PLXDC2: variants seen among roughly 807,000 people sequenced by gnomAD.
PLXDC2 encodes plexin domain containing 2.
A neutral mutation model predicts 68.9 loss-of-function variants in PLXDC2; 40 were observed. The observed-to-expected ratio is 0.58, with a 90% CI of 0.45 to 0.76. The LOEUF is 0.76. Ranked by LOEUF, PLXDC2 falls within the 30% of genes least tolerant of loss-of-function variation. The pLI is 0.00. For missense variants in PLXDC2, 644 were observed against 661.9 expected (o/e 0.97, Z 0.30); for synonymous variants, 243 against 234.2 (o/e 1.04, Z -0.34).
chr10:20,270,977 T>C (rs923507696), intron 13 of PLXDC2, among the ~76,000 whole-genome samples: 6 of 148,742 alleles, frequency 4.0e-5, no homozygotes, highest in African/African-American at 1.2e-4. Flanking sequence ...AAGGAATGGA[T>C]ATGGGTAAAC....
At chr10:20,037,000 G>T (rs1490352434) in intron 2 of PLXDC2, among the ~76,000 whole-genome samples, 1 of 152,144 alleles carries the variant, frequency 6.6e-6, no homozygotes, top group Non-Finnish European at 1.5e-5. Context: ...ATCAGGCATA[G>T]GGTCTTCTGA....
intron 12 of PLXDC2, among the ~76,000 whole-genome samples, chr10:20,236,580 G>A (rs550683214): frequency 9.2e-5 from 14 of 152,260 alleles, no homozygotes; most frequent in South Asian, 2.1e-4. Flanking sequence ...AAACATATGC[G>A]TAGGCAGATT....
intron 1 of PLXDC2, among the ~76,000 whole-genome samples, chr10:20,001,519 C>A (rs1484662583): frequency 6.9e-6 from 1 of 145,924 alleles, no homozygotes; most frequent in Non-Finnish European, 1.6e-5. Context: ...TGCTTCAGGG[C>A]TGCACATCTG....
chr10:20,024,281 G>A (rs145532708), intron 2 of PLXDC2, among the ~76,000 whole-genome samples: 7 of 152,264 alleles, frequency 4.6e-5, no homozygotes, highest in East Asian at 3.9e-4. Context: ...GATAAATGAT[G>A]TCCTTCATAT....
At chr10:20,107,123 A>T (rs1833502319) in intron 4 of PLXDC2, among the ~76,000 whole-genome samples, 1 of 150,154 alleles carries the variant, frequency 6.7e-6, no homozygotes, top group Admixed American at 6.7e-5. Context: ...TCTGTGCTGT[A>T]TACTATATAC....
intron 12 of PLXDC2, among the ~76,000 whole-genome samples, chr10:20,233,837 G>A (rs921958100): frequency 6.6e-6 from 1 of 151,980 alleles, no homozygotes; most frequent in Non-Finnish European, 1.5e-5. Context: ...TTTTTTTAGA[G>A]GCAGGCATGG....
intron 2 of PLXDC2, among the ~76,000 whole-genome samples, chr10:20,037,599 G>A (rs1291622142): frequency 7.4e-6 from 1 of 135,646 alleles, no homozygotes; most frequent in Non-Finnish European, 1.8e-5. Context: ...TAGTACCTAA[G>A]TAAAAAATAC....
At chr10:20,081,260 A>G (rs1265867839) in intron 4 of PLXDC2, among the ~76,000 whole-genome samples, 1 of 152,152 alleles carries the variant, frequency 6.6e-6, no homozygotes, top group African/African-American at 2.4e-5. Context: ...AGGGAAATAC[A>G]TCTGGAATGC....
chr10:20,084,861 C>T (rs536561096), intron 4 of PLXDC2, among the ~76,000 whole-genome samples: 2 of 142,644 alleles, frequency 1.4e-5, no homozygotes, highest in South Asian at 4.6e-4. Context: ...TGAAGGTGCT[C>T]ACGAAGGCCG....
chr10:20,096,342 G>A (rs189038233), intron 4 of PLXDC2, among the ~76,000 whole-genome samples: 7 of 152,116 alleles, frequency 4.6e-5, no homozygotes, highest in African/African-American at 9.6e-5. Flanking sequence ...ATAAAATCAC[G>A]CTGAAAGAAA....
intron 1 of PLXDC2, among the ~76,000 whole-genome samples, chr10:19,948,309 G>A (rs189958180): frequency 1.9e-4 from 29 of 151,944 alleles, no homozygotes; most frequent in African/African-American, 7.0e-4. Flanking sequence ...TTTCAATGAA[G>A]GGAAATGGGG....
intron 1 of PLXDC2, among the ~76,000 whole-genome samples, chr10:19,861,543 A>G (rs1837320214): frequency 6.6e-6 from 1 of 152,124 alleles, no homozygotes; most frequent in African/African-American, 2.4e-5. Flanking sequence ...TTTCAGCCTC[A>G]ATTTATGCCT....
intron 2 of PLXDC2, among the ~76,000 whole-genome samples, chr10:20,041,764 G>A (rs368162109): frequency 1.6e-4 from 25 of 152,180 alleles, no homozygotes; most frequent in African/African-American, 5.5e-4. Context: ...TCAAATCAAA[G>A]TGCCAGCTGT....
At chr10:20,146,902 A>G (rs546290663) in intron 5 of PLXDC2, among the ~76,000 whole-genome samples, 2 of 152,118 alleles carry the variant, frequency 1.3e-5, no homozygotes, top group African/African-American at 2.4e-5. Flanking sequence ...TTTTAGTTCT[A>G]TGATTTTCAT....
At chr10:20,106,902 A>G (rs1231422909) in intron 4 of PLXDC2, among the ~76,000 whole-genome samples, 1 of 151,566 alleles carries the variant, frequency 6.6e-6, no homozygotes, top group Non-Finnish European at 1.5e-5. Context: ...TGCATATTAC[A>G]TGTAGTATAA....
chr10:20,052,141 C>T (rs1180975315), intron 3 of PLXDC2, among the ~76,000 whole-genome samples: 1 of 151,944 alleles, frequency 6.6e-6, no homozygotes, highest in Non-Finnish European at 1.5e-5. Context: ...AAAAAAAATG[C>T]TATGTGAACT....
chr10:20,075,991 A>G (rs935719931), intron 4 of PLXDC2, among the ~76,000 whole-genome samples: 1 of 152,202 alleles, frequency 6.6e-6, no homozygotes, highest in Non-Finnish European at 1.5e-5. Flanking sequence ...AACACTGGCA[A>G]TGATATTTTT....
rs974373199 is a variant in PLXDC2, at chr10:20,284,352, C to A, written c.*4533C>A. 2 of 130,084 alleles carry A rather than the reference C, an allele frequency of 1.5e-5. No homozygotes were observed. Among genetic ancestry groups the A allele is most frequent in the African/African-American group, 3.0e-5 (1 of 33,472 alleles). 8.1% of individuals were successfully genotyped at this position (130,084 alleles called of 1,614,324 possible). A position where few individuals can be genotyped will look rare whatever the true frequency, so the allele number is the denominator to read the frequency against. On this transcript the variant is annotated 3_prime_UTR_variant, in exon 14 of 14. Transcript: ENST00000377252. Reference sequence around the variant, plus strand: ...ATATACACACACACACACACACACACAAATATACATATATATCAAATATAT... The same window carrying A: ...ATATACACACACACACACACACACAAAAATATACATATATATCAAATATAT...
chr10:19,950,664 A>G (rs1300678969), intron 1 of PLXDC2, among the ~76,000 whole-genome samples: 1 of 152,216 alleles, frequency 6.6e-6, no homozygotes, highest in Non-Finnish European at 1.5e-5. Flanking sequence ...AAAAATTCAT[A>G]TGGAACCAAA....
Sources: allele counts gnomAD v4.1 joint callset (sites outside exome capture counted in the v4.1 genomes callset), GRCh38; gene constraint gnomAD v4.1.1; transcripts MANE v1.5; gene names NCBI Gene and HGNC (gene_info 2026-07-23, HGNC 2026-07-21).